Variants in GABRG2 observed in about 807,000 individuals in gnomAD.
GABRG2 encodes gamma-aminobutyric acid receptor subunit gamma-2.
In GABRG2, 16 loss-of-function variants were observed where a neutral mutation model predicts 56.4. That is an observed-to-expected ratio of 0.28 (90% CI 0.19 to 0.43). GABRG2 has a LOEUF of 0.43. Ranked by LOEUF, GABRG2 falls within the 20% of genes least tolerant of loss-of-function variation. The probability of loss-of-function intolerance (pLI) is 1.00; values close to 1 mark genes in which losing one functional copy is unlikely to be tolerated. For missense variants in GABRG2, 327 were observed against 582.7 expected (o/e 0.56, Z 4.52); for synonymous variants, 208 against 205.5 (o/e 1.01, Z -0.10).
At position 162,155,277 on chromosome 5, in the gene GABRG2, C is replaced by T. The variant is rs1219619229; in HGVS notation, c.*1909C>T. The T allele has an allele frequency of 6.6e-6, 1 of 152,386 alleles. No individual in the cohort carries two copies. Among genetic ancestry groups the T allele is most frequent in the Non-Finnish European group, 1.5e-5 (1 of 67,994 alleles). 9.4% of individuals were successfully genotyped at this position (152,386 alleles called of 1,614,324 possible). A position where few individuals can be genotyped will look rare whatever the true frequency, so the allele number is the denominator to read the frequency against. On this transcript the variant is annotated 3_prime_UTR_variant, in exon 10 of 10. Transcript: ENST00000639213. ...ATTGTCAATATATTAAATGTTGACT[C>T]TTTGGGAGAGTTGTTGGCAAGTTTC...
At chr5:162,098,485 A>G (rs1311135642) in intron 4 of GABRG2, 1 of 153,236 alleles carries the variant, frequency 6.5e-6, no homozygotes, top group Non-Finnish European at 1.5e-5. Context: ...ATTTTATGCC[A>G]TTACCTTAGC....
intron 6 of GABRG2, among the ~76,000 whole-genome samples, chr5:162,123,949 G>A (rs1169097972): frequency 6.6e-6 from 1 of 151,920 alleles, no homozygotes; most frequent in Non-Finnish European, 1.5e-5. Flanking sequence ...AAATCTGGAA[G>A]AAAAGTGATT....
At chr5:162,131,254 GATA>G (rs2113537503) in intron 6 of GABRG2, among the ~76,000 whole-genome samples, 1 of 152,086 alleles carries the variant, frequency 6.6e-6, no homozygotes, top group South Asian at 2.1e-4. Flanking sequence ...CTAGTTTCGT[GATA>G]ATATATCTTT....
chr5:162,072,174 T>C (rs1001728990), intron 1 of GABRG2, among the ~76,000 whole-genome samples: 1 of 151,970 alleles, frequency 6.6e-6, no homozygotes, highest in Admixed American at 6.6e-5. Context: ...CTTCAAAAAA[T>C]TGTTTCATTC....
chr5:162,073,872 T>G (rs1758870978), intron 1 of GABRG2, among the ~76,000 whole-genome samples: 2 of 151,958 alleles, frequency 1.3e-5, no homozygotes, highest in South Asian at 4.1e-4. Flanking sequence ...AAATGAGATA[T>G]TGAGAGATTA....
chr5:162,076,303 CT>C (rs1759101868), intron 1 of GABRG2, among the ~76,000 whole-genome samples: 2 of 152,066 alleles, frequency 1.3e-5, no homozygotes, highest in Admixed American at 1.3e-4. Flanking sequence ...TATTTATCCC[CT>C]GATATATCAC....
At chr5:162,111,511 A>G (rs983639904) in intron 6 of GABRG2, among the ~76,000 whole-genome samples, 11 of 152,122 alleles carry the variant, frequency 7.2e-5, no homozygotes, top group Non-Finnish European at 1.6e-4. Context: ...CTTATGTTCC[A>G]TTGGCGAGAA....
chr5:162,081,745 A>G (rs1488662053), intron 1 of GABRG2, among the ~76,000 whole-genome samples: 4 of 151,984 alleles, frequency 2.6e-5, no homozygotes, highest in African/African-American at 9.7e-5. Context: ...GAATGGGCAA[A>G]ATAAAAACCA....
At chr5:162,085,632 A>G (rs1172159617) in intron 1 of GABRG2, among the ~76,000 whole-genome samples, 1 of 150,468 alleles carries the variant, frequency 6.6e-6, no homozygotes, top group Non-Finnish European at 1.5e-5. Flanking sequence ...TATATAGGTA[A>G]ACTTGTGTTA....
chr5:162,070,658 G>A (rs973529265), intron 1 of GABRG2, among the ~76,000 whole-genome samples: 2 of 151,846 alleles, frequency 1.3e-5, no homozygotes, highest in South Asian at 2.1e-4. Context: ...ATAAAGCATC[G>A]TAGTGAGAAT....
chr5:162,136,660 A>G (rs1764153498), intron 6 of GABRG2, among the ~76,000 whole-genome samples: 1 of 152,204 alleles, frequency 6.6e-6, no homozygotes, highest in Non-Finnish European at 1.5e-5. Flanking sequence ...CAAATAGAAT[A>G]ATAAGAGAGA....
At chr5:162,074,941 A>C (rs1277732773) in intron 1 of GABRG2, among the ~76,000 whole-genome samples, 1 of 152,076 alleles carries the variant, frequency 6.6e-6, no homozygotes, top group Non-Finnish European at 1.5e-5. Context: ...TTAAGAGTGA[A>C]TTACCTGATT....
At chr5:162,092,053 C>A (rs1029997228) in intron 1 of GABRG2, among the ~76,000 whole-genome samples, 1 of 152,050 alleles carries the variant, frequency 6.6e-6, no homozygotes, top group Non-Finnish European at 1.5e-5. Context: ...AATTACTTTA[C>A]CAGAGAGCTT....
At chr5:162,101,111 T>A (rs1761381408) in intron 4 of GABRG2, 124 bp from the exon 5 acceptor site, 2 of 728,600 alleles carry the variant, frequency 2.7e-6, no homozygotes, top group Non-Finnish European at 4.8e-6. Context: ...TCATTGGGGA[T>A]CACTCTGTGT....
chr5:162,110,202 G>T (rs192264414), intron 6 of GABRG2, among the ~76,000 whole-genome samples: 45 of 152,132 alleles, frequency 3.0e-4, no homozygotes, highest in Non-Finnish European at 4.9e-4. Context: ...CCAGTGACAT[G>T]CAGATCACAA....
chr5:162,092,533 A>C (rs114505884), intron 1 of GABRG2, among the ~76,000 whole-genome samples: 1,579 of 152,292 alleles, frequency 0.01, 26 homozygotes, highest in African/African-American at 0.031. Flanking sequence ...ATCAAGATCT[A>C]TATATATGAT....
intron 7 of GABRG2, among the ~76,000 whole-genome samples, chr5:162,146,497 A>G (rs1413848574): frequency 1.3e-5 from 2 of 152,126 alleles, no homozygotes; most frequent in African/African-American, 2.4e-5. Context: ...TTTATTTGCA[A>G]TTAAAAATAT....
chr5:162,133,230 C>T (rs1763881832), intron 6 of GABRG2, among the ~76,000 whole-genome samples: 1 of 152,228 alleles, frequency 6.6e-6, no homozygotes, highest in East Asian at 1.9e-4. Flanking sequence ...TCAAAAAGCT[C>T]TATGTACCAC....
intron 6 of GABRG2, among the ~76,000 whole-genome samples, chr5:162,120,145 C>A (rs932313090): frequency 6.6e-6 from 1 of 152,120 alleles, no homozygotes; most frequent in African/African-American, 2.4e-5. Flanking sequence ...ATAGTTGTGC[C>A]AACTTAACAT....
Sources: allele counts gnomAD v4.1 joint callset (sites outside exome capture counted in the v4.1 genomes callset), GRCh38; gene constraint gnomAD v4.1.1; transcripts MANE v1.5; gene names NCBI Gene and HGNC (gene_info 2026-07-23, HGNC 2026-07-21).